DNAJC3: variants seen among roughly 807,000 people sequenced by gnomAD.
The protein encoded by DNAJC3 is DnaJ heat shock protein family (Hsp40) member C3.
DNAJC3 carries 38 observed loss-of-function variants against 68.6 expected under a neutral mutation model. That is an observed-to-expected ratio of 0.55 (90% confidence interval 0.43 to 0.73). The LOEUF is 0.73. DNAJC3 is among the 30% of genes least tolerant of loss of function. DNAJC3 has a pLI of 0.00. For missense variants in DNAJC3, 526 were observed against 591.9 expected (o/e 0.89, Z 1.16); for synonymous variants, 203 against 204.0 (o/e 1.00, Z 0.04).
chr13:95,786,772 C>T (rs1883614489), intron 10 of DNAJC3, among the ~76,000 whole-genome samples: 1 of 152,106 alleles, frequency 6.6e-6, no homozygotes, highest in East Asian at 1.9e-4. Context: ...TTCTAAAGAT[C>T]AGGAGTGCTT....
chr13:95,702,879 A>G (rs1248023507), intron 1 of DNAJC3, among the ~76,000 whole-genome samples: 1 of 152,232 alleles, frequency 6.6e-6, no homozygotes, highest in East Asian at 1.9e-4. Context: ...TCACGTATCC[A>G]TCACTGGCTA....
chr13:95,757,546 A>G (rs989752589), intron 4 of DNAJC3, 98 bp from the exon 5 acceptor site: 38 of 1,239,966 alleles, frequency 3.1e-5, no homozygotes, highest in South Asian at 2.5e-4. Context: ...TTTTTACCCA[A>G]TGAACTTAAG....
intron 4 of DNAJC3, among the ~76,000 whole-genome samples, chr13:95,747,327 G>A (rs1414803776): frequency 6.6e-6 from 1 of 152,202 alleles, no homozygotes; most frequent in East Asian, 1.9e-4. Flanking sequence ...ACTTAACTGG[G>A]GGAGGAAGGG....
At chr13:95,784,702 C>T (rs1012450682) in intron 9 of DNAJC3, among the ~76,000 whole-genome samples, 5 of 152,208 alleles carry the variant, frequency 3.3e-5, no homozygotes, top group Admixed American at 6.5e-5. Context: ...GCTTCCCAAA[C>T]GTCAGCAGTA....
At chr13:95,702,378 G>A (rs911123770) in intron 1 of DNAJC3, among the ~76,000 whole-genome samples, 3 of 152,136 alleles carry the variant, frequency 2.0e-5, no homozygotes, top group Admixed American at 6.5e-5. Context: ...CTTAGTTTCC[G>A]TACGTGCCTT....
chr13:95,715,474 T>A (rs1881107133), intron 2 of DNAJC3, among the ~76,000 whole-genome samples: 1 of 151,814 alleles, frequency 6.6e-6, no homozygotes, highest in South Asian at 2.1e-4. Flanking sequence ...CACATCATAG[T>A]TTCTTTTTCT....
At chr13:95,716,206 C>T (rs1593974416) in intron 2 of DNAJC3, among the ~76,000 whole-genome samples, 1 of 152,268 alleles carries the variant, frequency 6.6e-6, no homozygotes, top group South Asian at 2.1e-4. Context: ...AATTTTCTAT[C>T]ATAGTGAAAT....
intron 4 of DNAJC3, among the ~76,000 whole-genome samples, chr13:95,747,894 C>T (rs1882352107): frequency 6.6e-6 from 1 of 152,100 alleles, no homozygotes; most frequent in East Asian, 1.9e-4. Context: ...CATGCTATTC[C>T]CTGAGATAGT....
intron 4 of DNAJC3, among the ~76,000 whole-genome samples, chr13:95,731,073 A>G (rs1185030085): frequency 6.6e-6 from 1 of 151,994 alleles, no homozygotes; most frequent in African/African-American, 2.4e-5. Context: ...GCTGTTGTAA[A>G]TGGGATTGCC....
intron 4 of DNAJC3, among the ~76,000 whole-genome samples, chr13:95,741,471 G>C (rs951479680): frequency 5.3e-5 from 8 of 152,212 alleles, no homozygotes; most frequent in African/African-American, 1.9e-4. Context: ...GGCCAAACAT[G>C]CCTAACTTAG....
chr13:95,722,270 TCTC>T (rs1386204885), intron 2 of DNAJC3, among the ~76,000 whole-genome samples: 1 of 152,180 alleles, frequency 6.6e-6, no homozygotes, highest in Non-Finnish European at 1.5e-5. Context: ...TCATTTCTGT[TCTC>T]CTCCTTTGTC....
At chr13:95,691,261 G>T (rs961788617) in intron 1 of DNAJC3, among the ~76,000 whole-genome samples, 1 of 151,912 alleles carries the variant, frequency 6.6e-6, no homozygotes, top group Admixed American at 6.5e-5. Context: ...TCCCAGACGG[G>T]GTGGCTGCTG....
At chr13:95,688,930 GTGTGTGTGT>G (rs1880144302) in intron 1 of DNAJC3, among the ~76,000 whole-genome samples, 18 of 51,302 alleles carry the variant, frequency 3.5e-4, no homozygotes, top group East Asian at 4.4e-4. Context: ...TTGTGTGGGT[GTGTGTGTGT>G]GTGTGTGTGT....
intron 4 of DNAJC3, among the ~76,000 whole-genome samples, chr13:95,740,393 G>A (rs1201443250): frequency 6.6e-6 from 1 of 152,218 alleles, no homozygotes; most frequent in African/African-American, 2.4e-5. Context: ...GGCAATGGCG[G>A]GCGCCCCTCC....
intron 9 of DNAJC3, among the ~76,000 whole-genome samples, chr13:95,774,783 A>G (rs1883252240): frequency 6.6e-6 from 1 of 152,186 alleles, no homozygotes. Flanking sequence ...ATATTAATAG[A>G]ATCACCTCTG....
intron 2 of DNAJC3, among the ~76,000 whole-genome samples, chr13:95,722,930 C>T (rs1881382449): frequency 6.7e-6 from 1 of 149,880 alleles, no homozygotes; most frequent in Non-Finnish European, 1.5e-5. Context: ...GTAGTTTCGG[C>T]TTTGCGGCCA....
Position 95,791,056 on chromosome 13 carries a change from AT to A in DNAJC3, c.*33del. 1.2e-6 allele frequency: 2 copies of A among 1,602,446 alleles called. No homozygotes were observed. Among genetic ancestry groups the A allele is most frequent in the Non-Finnish European group, 1.7e-6 (2 of 1,177,016 alleles). On this transcript the variant is annotated 3_prime_UTR_variant, in exon 12 of 12. Transcript: ENST00000602402. ...ACCAACTGTTTTTCTGCTCTTCTTA[AT>A]TTTTTTAAAGATTAAAAACAAAGAA... is the stretch of plus-strand genomic sequence containing the variant.
intron 1 of DNAJC3, among the ~76,000 whole-genome samples, chr13:95,698,595 G>A (rs1187788422): frequency 6.6e-6 from 1 of 152,228 alleles, no homozygotes; most frequent in African/African-American, 2.4e-5. Context: ...TCTCAGTGCA[G>A]ATGCACAGTG....
intron 4 of DNAJC3, among the ~76,000 whole-genome samples, chr13:95,751,287 G>T (rs1482108702): frequency 6.6e-6 from 1 of 152,194 alleles, no homozygotes; most frequent in African/African-American, 2.4e-5. Context: ...CACTTTAGTT[G>T]CAGGAAATAA....
Sources: allele counts gnomAD v4.1 joint callset (sites outside exome capture counted in the v4.1 genomes callset), GRCh38; gene constraint gnomAD v4.1.1; transcripts MANE v1.5; gene names NCBI Gene and HGNC (gene_info 2026-07-23, HGNC 2026-07-21).